PCDHGA1: variants seen among roughly 807,000 people sequenced by gnomAD.
PCDHGA1 encodes the protein protocadherin gamma subfamily A, 1.
In PCDHGA1, 32 loss-of-function variants were observed where a neutral mutation model predicts 58.0. The observed-to-expected ratio is 0.55, with a 90% CI of 0.42 to 0.74. The LOEUF (loss-of-function observed/expected upper bound fraction) is 0.74. Among genes scored for constraint, PCDHGA1 ranks in the 30% least tolerant of loss-of-function variants. The pLI is 0.00. For synonymous variants in PCDHGA1, 498 were observed against 501.1 expected (o/e 0.99, Z 0.08); for missense variants, 1,205 against 1,182.3 (o/e 1.02, Z -0.28).
At chr5:141,445,086 A>T (rs190267063) in intron 1 of PCDHGA1, among the ~76,000 whole-genome samples, 163 of 152,322 alleles carry the variant, frequency 1.1e-3, no homozygotes, top group African/African-American at 3.6e-3. Flanking sequence ...TTGTCCCTAC[A>T]TATTTGATGT....
intron 1 of PCDHGA1, among the ~76,000 whole-genome samples, chr5:141,343,512 G>A (rs1588456053): frequency 6.6e-6 from 1 of 152,116 alleles, no homozygotes; most frequent in South Asian, 2.1e-4. Context: ...TGGTCCTTAC[G>A]GCCAGTTCTT....
rs574905149 is a variant in PCDHGA1 at position 141,400,501 on chromosome 5, G to C, written c.2421+67396G>C. 1 of 1,613,878 alleles carries C rather than the reference G, an allele frequency of 6.2e-7. No homozygotes were observed. The highest frequency in any genetic ancestry group is 1.7e-5 in the Admixed American group (1 of 60,012). On this transcript the variant is annotated intron_variant, in intron 1 of 3. Transcript: ENST00000517417. ...CTTATTTCCACTTTGTAATTCCAGC[G>C]AGTCGACTTCCCATCCTGAGTTGGT...
chr5:141,410,068 C>T (rs2095353806), intron 1 of PCDHGA1: 1 of 1,612,832 alleles, frequency 6.2e-7, no homozygotes, highest in Non-Finnish European at 8.5e-7. Context: ...TGGGGCTGCG[C>T]ACTGGGGAGG....
Position 141,491,755 on chromosome 5 carries a change from G to T in PCDHGA1, c.2422-3052G>T, listed in dbSNP as rs1402188587. 3 of 1,582,078 alleles carry T rather than the reference G, an allele frequency of 1.9e-6. No individual in the cohort carries two copies. Among genetic ancestry groups the T allele is most frequent in the Non-Finnish European group, 2.6e-6 (3 of 1,165,458 alleles). On this transcript the variant is annotated intron_variant, in intron 1 of 3. Coordinates refer to ENST00000517417, the MANE Select transcript of PCDHGA1 (RefSeq NM_018912.3). This position sits in a 1 kb window ranked among gnomAD's most constrained non-coding sequence, Gnocchi z 6.9. ...CCCTGGGGGCGGCACTGGAGAAGCC[G>T]CCCGTCCTCATAAGGGATTGAACTT...
At chr5:141,351,773 C>T in intron 1 of PCDHGA1, 2 of 1,613,454 alleles carry the variant, frequency 1.2e-6, no homozygotes, top group Non-Finnish European at 1.7e-6. Flanking sequence ...GTCCGTGAGC[C>T]CGCAGAGCGG....
rs2099696598 is a variant in PCDHGA1, at chr5:141,490,144, A to C, written c.2422-4663A>C. The C allele has an allele frequency of 2.5e-6, 4 of 1,614,214 alleles. No homozygotes were observed. In the East Asian group the frequency reaches 6.7e-5, roughly 27 times the overall value. ...TGGCCTAGACCCTAGCAGTGGGGCA[A>C]TCCATGTGTTGGGTCCCATAGACTT... On this transcript the variant is annotated intron_variant, in intron 1 of 3. Transcript: ENST00000517417. The surrounding 1 kb of genome is among the most constrained non-coding windows in gnomAD (Gnocchi z 5.4).
At chr5:141,371,657 G>A in intron 1 of PCDHGA1, 1 of 1,613,988 alleles carries the variant, frequency 6.2e-7, no homozygotes, top group Non-Finnish European at 8.5e-7. Context: ...ACAATGTGAC[G>A]ATCACAGCTA....
At chr5:141,413,342 TG>T in intron 1 of PCDHGA1, 1 of 1,613,974 alleles carries the variant, frequency 6.2e-7, no homozygotes, top group South Asian at 1.1e-5. Flanking sequence ...TCCAAGGACT[TG>T]GGTCTGGCGC....
chr5:141,348,629 A>G (rs1216575323), intron 1 of PCDHGA1, among the ~76,000 whole-genome samples: 1 of 152,230 alleles, frequency 6.6e-6, no homozygotes, highest in Non-Finnish European at 1.5e-5. Context: ...CTACTTGTAC[A>G]GGTAATGGAA....
intron 1 of PCDHGA1, among the ~76,000 whole-genome samples, chr5:141,373,124 C>A (rs933714666): frequency 1.3e-5 from 2 of 152,188 alleles, no homozygotes; most frequent in Non-Finnish European, 2.9e-5. Context: ...GAATTAGACC[C>A]AAATCCTCAC....
rs369935658 is a variant in PCDHGA1, at chr5:141,331,021, A to G, written c.337A>G (p.Lys113Glu). The change falls in exon 1 of 4, where the codon AAA becomes GAA. Residue 113 changes from lysine (K) to glutamate (E), a missense_variant. By Grantham distance (56) the Lys-to-Glu change is moderately conservative (BLOSUM62 1). Transcript: ENST00000517417. ...LVSFNILVEDKMKLFPVEVEI... is the reference protein window; with the variant it reads ...LVSFNILVEDEMKLFPVEVEI... ...GAGTTTTAATATCCTTGTTGAGGAT[A>G]AAATGAAGCTTTTTCCTGTTGAAGT... 105 of 1,614,236 alleles carry G rather than the reference A, an allele frequency of 6.5e-5. No individual in the cohort carries two copies. In the South Asian group the frequency reaches 1.0e-3, roughly 16 times the overall value.
intron 1 of PCDHGA1, chr5:141,339,532 T>C: frequency 6.2e-7 from 1 of 1,614,138 alleles, no homozygotes; most frequent in African/African-American, 1.3e-5. Flanking sequence ...GGGGAGCTGA[T>C]GGGAACAAGT....
At chr5:141,344,655 C>T in intron 1 of PCDHGA1, 1 of 1,613,986 alleles carries the variant, frequency 6.2e-7, no homozygotes, top group Non-Finnish European at 8.5e-7. Context: ...AAAAGAAATT[C>T]ACCAGCTTGT....
At chr5:141,399,641 C>G in intron 1 of PCDHGA1, 1 of 1,613,852 alleles carries the variant, frequency 6.2e-7, no homozygotes, top group Non-Finnish European at 8.5e-7. Context: ...TCCATGAGCG[C>G]GCAAAGTGGG....
chr5:141,441,840 C>T (rs2098278154), intron 1 of PCDHGA1: 1 of 355,864 alleles, frequency 2.8e-6, no homozygotes, highest in Non-Finnish European at 5.5e-6. Flanking sequence ...GCTTCGCGCT[C>T]TTGGATATGG....
At chr5:141,339,015 T>C (rs748669005) in intron 1 of PCDHGA1, 5 of 1,586,498 alleles carry the variant, frequency 3.2e-6, no homozygotes, top group East Asian at 2.3e-5. Flanking sequence ...AAGCTGGTCC[T>C]GCTGTGCTTC....
intron 1 of PCDHGA1, among the ~76,000 whole-genome samples, chr5:141,445,458 A>G (rs1427391084): frequency 6.6e-6 from 1 of 152,248 alleles, no homozygotes; most frequent in Non-Finnish European, 1.5e-5. Flanking sequence ...TGCAGCAATG[A>G]ACAAGGCATA....
intron 1 of PCDHGA1, chr5:141,400,592 G>A: frequency 3.7e-6 from 6 of 1,603,194 alleles, no homozygotes; most frequent in Non-Finnish European, 5.1e-6. Flanking sequence ...TGAAACTATC[G>A]TACATTTTCA....
Position 141,330,894 on chromosome 5 carries a change from T to C in PCDHGA1, c.210T>C (p.Gly70=), listed in dbSNP as rs72806843. The change falls in exon 1 of 4, where the codon GGT becomes GGC. Residue 70 remains glycine, a synonymous_variant. Transcript: ENST00000517417. The stretch of plus-strand genomic sequence containing the variant: ...GCGGAGTCCGCATCGTCTCCAGAGG[T>C]AGGATGCCGCTTTTCGCTCTGAATC... ...ADGGVRIVSR[G]RMPLFALNPR... 0.021 allele frequency: 33,927 copies of C among 1,614,158 alleles called. 404 individuals carry two copies. Among genetic ancestry groups the C allele is most frequent in the African/African-American group, 0.03 (2,282 of 75,032 alleles).
Sources: gnomAD v4.1 joint callset for allele counts (sites outside exome capture counted in the v4.1 genomes callset) on GRCh38, gnomAD v4.1.1 for gene constraint, Gnocchi (gnomAD v3.1) non-coding constraint, MANE v1.5 for transcripts, NCBI Gene and HGNC (gene_info 2026-07-23, HGNC 2026-07-21) for gene names.